CDC42BPB: variants seen among roughly 807,000 people sequenced by gnomAD.
CDC42BPB encodes the protein CDC42 binding protein kinase beta.
CDC42BPB carries 37 observed loss-of-function variants against 214.9 expected under a neutral mutation model. The observed-to-expected ratio is 0.17, with a 90% CI of 0.13 to 0.23. The LOEUF is 0.23. Ranked by LOEUF, CDC42BPB falls within the 10% of genes least tolerant of loss-of-function variation. The pLI, the probability that CDC42BPB is intolerant of heterozygous loss-of-function variation, is 1.00. For synonymous variants in CDC42BPB, 931 were observed against 884.0 expected (o/e 1.05, Z -0.94); for missense variants, 1,694 against 2,227.0 (o/e 0.76, Z 4.82).
chr14:103,053,913 T>G (rs1235715620), intron 1 of CDC42BPB, among the ~76,000 whole-genome samples: 1 of 152,016 alleles, frequency 6.6e-6, no homozygotes, highest in African/African-American at 2.4e-5. Context: ...TGATCATTGC[T>G]CATTGCAGCC....
intron 12 of CDC42BPB, 91 bp from the exon 13 acceptor site, chr14:102,972,252 A>G (rs1893508906): frequency 1.9e-6 from 3 of 1,553,898 alleles, no homozygotes; most frequent in African/African-American, 1.4e-5. Context: ...GAGGAGTTAA[A>G]AGCGACAGCC....
chr14:103,005,028 T>C lies in CDC42BPB; in HGVS notation c.352-1005A>G, dbSNP rs546884151. The stretch of plus-strand genomic sequence containing the variant: ...TAAAAATACAAAAAAATTAGCTGGG[T>C]GTGGTGGTGGGCGCCTGTAGTCCCA... On this transcript the variant is annotated intron_variant, in intron 3 of 36. Coordinates refer to ENST00000361246, the MANE Select transcript of CDC42BPB (RefSeq NM_006035.4). 4.0e-5 allele frequency among the ~76,000 whole-genome samples: 6 copies of C among 150,792 alleles called. 1 individual carries two copies. The highest frequency in any genetic ancestry group is 1.2e-4 in the African/African-American group (5 of 40,944).
Position 102,932,654 on chromosome 14 carries a change from T to G in CDC42BPB, c.*1058A>C, listed in dbSNP as rs1891433334. The G allele has an allele frequency of 6.6e-6, 1 of 152,324 alleles. No homozygotes were observed. Among genetic ancestry groups the G allele is most frequent in the South Asian group, 2.1e-4 (1 of 4,812 alleles). 9.4% of individuals were successfully genotyped at this position (152,324 alleles called of 1,614,324 possible). A position where few individuals can be genotyped will look rare whatever the true frequency, so the allele number is the denominator to read the frequency against. On this transcript the variant is annotated 3_prime_UTR_variant, in exon 37 of 37. Coordinates refer to ENST00000361246, the MANE Select transcript of CDC42BPB (RefSeq NM_006035.4). The stretch of plus-strand genomic sequence containing the variant: ...AGGACAGGGGAAGCCTGGCCCAAGC[T>G]GTGGACAAGCTGTGTCTGCCGCCAC...
chr14:103,009,299 T>A (rs964017532), intron 2 of CDC42BPB, among the ~76,000 whole-genome samples: 1 of 152,240 alleles, frequency 6.6e-6, no homozygotes, highest in Non-Finnish European at 1.5e-5. Context: ...AGAGTCACTG[T>A]GAGAGCTGCC....
chr14:103,004,099 C>G lies in CDC42BPB; in HGVS notation c.352-76G>C. The G allele has an allele frequency of 6.9e-7, 1 of 1,456,524 alleles. No individual in the cohort carries two copies. Among genetic ancestry groups the G allele is most frequent in the South Asian group, 1.4e-5 (1 of 73,890 alleles). The allele number at this position is 1,456,524 out of a possible 1,614,324, so 90.2% of individuals were successfully genotyped here. ...AGAGCGTACTGCCGGTCTCGGGGTC[C>G]CTCCTGGGACAGTGGCTCCAGCCAC... On this transcript the variant is annotated intron_variant, in intron 3 of 36. Transcript: ENST00000361246. This position sits in a 1 kb window ranked among gnomAD's most constrained non-coding sequence, Gnocchi z 5.3.
chr14:102,975,932 C>T lies in CDC42BPB; in HGVS notation c.1338G>A (p.Arg446=). 2 of 1,614,226 alleles carry T rather than the reference C, an allele frequency of 1.2e-6. No individual in the cohort carries two copies. Among genetic ancestry groups the T allele is most frequent in the Non-Finnish European group, 1.7e-6 (2 of 1,180,044 alleles). ...GCTTCTCCTGTTCCAGCCTCCGAAT[C>T]CTCCTCTCGTAAGCTTCCATCTGCA... ...HSLQMEAYER[R]IRRLEQEKLE... The change falls in exon 10 of 37, where the codon AGG becomes AGA. Residue 446 remains arginine, a synonymous_variant. Coordinates refer to ENST00000361246, the MANE Select transcript of CDC42BPB (RefSeq NM_006035.4).
At chr14:103,051,149 T>TGGGGC (rs1555398873) in intron 1 of CDC42BPB, among the ~76,000 whole-genome samples, 1 of 4,166 alleles carries the variant, frequency 2.4e-4, no homozygotes, top group African/African-American at 7.5e-4. Flanking sequence ...CTAGTGTATT[T>TGGGGC]GGGGCGGGGG....
chr14:102,974,476 C>G (rs894155455), intron 11 of CDC42BPB, among the ~76,000 whole-genome samples: 1 of 152,220 alleles, frequency 6.6e-6, no homozygotes, highest in Non-Finnish European at 1.5e-5. Context: ...AGCACAGTGC[C>G]TGGCCCTTGT....
In CDC42BPB at chr14:103,047,662, G is replaced by C. The variant is rs149723003; in HGVS notation, c.175+9337C>G. Among the ~76,000 whole-genome samples, 19 of 152,252 alleles carry C rather than the reference G, an allele frequency of 1.2e-4. 1 individual carries two copies. The Middle Eastern group carries it at 0.01, about 82-fold the overall frequency. ...CTCATGCCTGTAATCCTGACACTTG[G>C]GGAGGCCGAAGCGGGCAGATTCCCT... is the stretch of plus-strand genomic sequence containing the variant. On this transcript the variant is annotated intron_variant, in intron 1 of 36. Transcript: ENST00000361246.
At chr14:103,044,244 TG>T (rs1888165466) in intron 1 of CDC42BPB, among the ~76,000 whole-genome samples, 1 of 152,178 alleles carries the variant, frequency 6.6e-6, no homozygotes, top group Admixed American at 6.5e-5. Flanking sequence ...TATTACTTTT[TG>T]GAGACAGAGT....
Position 102,951,537 on chromosome 14 carries a change from C to T in CDC42BPB, c.3173-935G>A, listed in dbSNP as rs544841220. 4.6e-5 allele frequency among the ~76,000 whole-genome samples: 7 copies of T among 150,552 alleles called. No individual in the cohort carries two copies. The South Asian group carries it at 1.5e-3, about 32-fold the overall frequency. On this transcript the variant is annotated intron_variant, in intron 24 of 36. Coordinates refer to ENST00000361246, the MANE Select transcript of CDC42BPB (RefSeq NM_006035.4). ...GGCGCAGTGGCTCACACCTGTAATC[C>T]CAGCACTTTGGGAGGCCGAGGCAGG...
chr14:102,954,363 G>C (rs1892624427), intron 22 of CDC42BPB, 88 bp from the exon 23 acceptor site: 1 of 1,446,792 alleles, frequency 6.9e-7, no homozygotes, highest in South Asian at 1.5e-5. Flanking sequence ...TCTCAAGAAT[G>C]TGTTAACAGT....
chr14:102,962,931 T>C, intron 20 of CDC42BPB, 130 bp downstream of exon 20: 1 of 547,428 alleles, frequency 1.8e-6, no homozygotes, highest in South Asian at 2.5e-5. Flanking sequence ...AAATGCTGAT[T>C]TTGGAAAATA....
At chr14:102,961,475 T>C (rs779727450) in intron 20 of CDC42BPB, among the ~76,000 whole-genome samples, 133 of 149,702 alleles carry the variant, frequency 8.9e-4, no homozygotes, top group Non-Finnish European at 1.3e-3. Flanking sequence ...GCTGGGACTA[T>C]AGGCATGCCC....
At chr14:103,028,477 G>A (rs1219331248) in intron 1 of CDC42BPB, among the ~76,000 whole-genome samples, 1 of 152,202 alleles carries the variant, frequency 6.6e-6, no homozygotes, top group Non-Finnish European at 1.5e-5. Flanking sequence ...CTCTGAGACA[G>A]CCCCAGCACG....
chr14:103,043,849 A>G (rs1161349031), intron 1 of CDC42BPB, among the ~76,000 whole-genome samples: 1 of 152,206 alleles, frequency 6.6e-6, no homozygotes, highest in African/African-American at 2.4e-5. Flanking sequence ...GGATTATCAA[A>G]ACTTCATAAA....
intron 8 of CDC42BPB, among the ~76,000 whole-genome samples, chr14:102,980,514 T>C (rs1447428443): frequency 6.6e-6 from 1 of 152,070 alleles, no homozygotes; most frequent in Non-Finnish European, 1.5e-5. Flanking sequence ...TCAAGTACTG[T>C]GAAAATAAAA....
intron 26 of CDC42BPB, among the ~76,000 whole-genome samples, chr14:102,948,696 G>T (rs1218235942): frequency 7.9e-6 from 1 of 127,194 alleles, no homozygotes; most frequent in Non-Finnish European, 1.7e-5. Context: ...TGGAGGTGAG[G>T]GGGGAGCAGG....
Position 103,004,095 on chromosome 14 carries a change from G to T in CDC42BPB, c.352-72C>A. The T allele has an allele frequency of 6.7e-7, 1 of 1,488,288 alleles. No homozygotes were observed. The highest frequency in any genetic ancestry group is 9.0e-7 in the Non-Finnish European group (1 of 1,115,412). 92.2% of individuals were successfully genotyped at this position (1,488,288 alleles called of 1,614,324 possible). ...CCAGAGAGCGTACTGCCGGTCTCGG[G>T]GTCCCTCCTGGGACAGTGGCTCCAG... On this transcript the variant is annotated intron_variant, in intron 3 of 36. Transcript: ENST00000361246. The surrounding 1 kb of genome is among the most constrained non-coding windows in gnomAD (Gnocchi z 5.3).
Sources: allele counts gnomAD v4.1 joint callset (sites outside exome capture counted in the v4.1 genomes callset), GRCh38; gene constraint gnomAD v4.1.1; non-coding constraint Gnocchi (gnomAD v3.1); transcripts MANE v1.5; gene names NCBI Gene and HGNC (gene_info 2026-07-23, HGNC 2026-07-21).